The following ARHGAP26 variants were observed in gnomAD, a reference collection of about 807,000 sequenced individuals.
ARHGAP26 encodes the protein rho GTPase-activating protein 26.
A neutral mutation model predicts 104.8 loss-of-function variants in ARHGAP26; 38 were observed. That is an observed-to-expected ratio of 0.36 (90% CI 0.28 to 0.48). The LOEUF (loss-of-function observed/expected upper bound fraction) is 0.48, where lower values mean the gene tolerates loss of function less well. Among genes scored for constraint, ARHGAP26 ranks in the 20% least tolerant of loss-of-function variants. The probability of loss-of-function intolerance (pLI) is 0.99; values close to 1 mark genes in which losing one functional copy is unlikely to be tolerated. For missense variants in ARHGAP26, 704 were observed against 947.9 expected (o/e 0.74, Z 3.38); for synonymous variants, 341 against 340.0 (o/e 1.00, Z -0.03).
At chr5:143,216,776 G>A (rs982306216) in intron 22 of ARHGAP26, 2 of 154,168 alleles carry the variant, frequency 1.3e-5, no homozygotes, top group African/African-American at 4.8e-5. Flanking sequence ...AATTGAACCT[G>A]AAAGAAAACA....
At chr5:142,830,442 T>C (rs559007761) in intron 1 of ARHGAP26, among the ~76,000 whole-genome samples, 1 of 152,310 alleles carries the variant, frequency 6.6e-6, no homozygotes, top group South Asian at 2.1e-4. Context: ...TCCGTTTGTG[T>C]TACATTTCCA....
intron 1 of ARHGAP26, among the ~76,000 whole-genome samples, chr5:142,850,405 TTTC>T (rs1751284990): frequency 6.6e-6 from 1 of 152,304 alleles, no homozygotes; most frequent in South Asian, 2.1e-4. Context: ...CTTACTGCTT[TTTC>T]TTTTTCTTGC....
intron 10 of ARHGAP26, 52 bp downstream of exon 10, chr5:142,913,345 T>A: frequency 6.6e-7 from 1 of 1,514,058 alleles, no homozygotes; most frequent in Non-Finnish European, 9.2e-7. Context: ...AATTTCTATA[T>A]CTTACTTTTT....
intron 17 of ARHGAP26, among the ~76,000 whole-genome samples, chr5:143,096,489 G>A (rs1404976227): frequency 6.6e-6 from 1 of 152,130 alleles, no homozygotes; most frequent in Non-Finnish European, 1.5e-5. Context: ...ATTCTTTTAC[G>A]TTTACATGGT....
chr5:143,028,133 G>A (rs1781336754), intron 12 of ARHGAP26, among the ~76,000 whole-genome samples: 1 of 152,120 alleles, frequency 6.6e-6, no homozygotes, highest in African/African-American at 2.4e-5. Flanking sequence ...TCCTTAACCT[G>A]ACTGAGCGTA....
At position 143,037,212 on chromosome 5, in the gene ARHGAP26, C is replaced by T; in HGVS notation, c.1161C>T (p.Ser387=). The change falls in exon 13 of 23, where the codon AGC becomes AGT. Residue 387 remains serine (S), a synonymous_variant. Coordinates refer to ENST00000645722, the MANE Select transcript of ARHGAP26 (RefSeq NM_001135608.3). ...SQSEGTAQLD[S]IGFSIIRKCI... Reference sequence around the variant, plus strand: ...CTCTTTCAGCTGCGCAGTTGGACAGCATTGGCTTCAGCATAATCAGGAAAT... The same window carrying T: ...CTCTTTCAGCTGCGCAGTTGGACAGTATTGGCTTCAGCATAATCAGGAAAT... The T allele has an allele frequency of 1.2e-6, 2 of 1,604,004 alleles. No homozygotes were observed. The highest frequency in any genetic ancestry group is 1.7e-6 in the Non-Finnish European group (2 of 1,172,518).
intron 20 of ARHGAP26, among the ~76,000 whole-genome samples, chr5:143,188,715 G>T (rs1243748388): frequency 3.9e-5 from 6 of 152,216 alleles, no homozygotes; most frequent in Non-Finnish European, 5.9e-5. Flanking sequence ...AACTGAATGA[G>T]CTTGTACCAC....
intron 1 of ARHGAP26, among the ~76,000 whole-genome samples, chr5:142,833,301 T>A (rs899195141): frequency 3.9e-5 from 6 of 151,982 alleles, no homozygotes; most frequent in Admixed American, 3.9e-4. Flanking sequence ...CCTCAGGTGA[T>A]CTGCCTGCCT....
At chr5:142,806,788 T>C (rs893880213) in intron 1 of ARHGAP26, among the ~76,000 whole-genome samples, 8 of 152,202 alleles carry the variant, frequency 5.3e-5, no homozygotes, top group African/African-American at 1.9e-4. Flanking sequence ...TTAAATCCTT[T>C]TGGTAGTACA....
At position 143,107,154 on chromosome 5, in the gene ARHGAP26, T is replaced by TCTA. The variant is rs368107155; in HGVS notation, c.1539-13833_1539-13832insTAC. On this transcript the variant is annotated intron_variant, in intron 17 of 22. Coordinates refer to ENST00000645722, the MANE Select transcript of ARHGAP26 (RefSeq NM_001135608.3). ...TGCATGGCATCTCATAGGTGTTCAG[T>TCTA]CGGTATTGGGTGTGAGCATACTTGG... Among the ~76,000 whole-genome samples the TCTA allele has an allele frequency of 1.6e-3, 243 of 152,274 alleles. 2 individuals are homozygous for TCTA. Among genetic ancestry groups the TCTA allele is most frequent in the Middle Eastern group, 6.8e-3 (2 of 294 alleles).
At chr5:143,019,638 A>G (rs972600398) in intron 12 of ARHGAP26, among the ~76,000 whole-genome samples, 13 of 152,348 alleles carry the variant, frequency 8.5e-5, no homozygotes, top group Admixed American at 5.9e-4. Flanking sequence ...TAGAAAGCCG[A>G]GAACTTGTCA....
intron 17 of ARHGAP26, among the ~76,000 whole-genome samples, chr5:143,099,150 G>T (rs553881153): frequency 6.6e-6 from 1 of 152,304 alleles, no homozygotes; most frequent in Admixed American, 6.5e-5. Context: ...AAAATAATTT[G>T]CAAACATACC....
intron 17 of ARHGAP26, among the ~76,000 whole-genome samples, chr5:143,107,315 C>G (rs1356196880): frequency 6.6e-6 from 1 of 152,124 alleles, no homozygotes; most frequent in Non-Finnish European, 1.5e-5. Context: ...TAGATTTGCT[C>G]AAGGATCTGG....
intron 17 of ARHGAP26, among the ~76,000 whole-genome samples, chr5:143,079,117 C>A (rs1789449685): frequency 6.6e-6 from 1 of 152,234 alleles, no homozygotes; most frequent in Non-Finnish European, 1.5e-5. Context: ...GTCTCTCCCT[C>A]CTTTAACTTG....
intron 11 of ARHGAP26, among the ~76,000 whole-genome samples, chr5:143,008,886 A>G (rs572412067): frequency 1.3e-5 from 2 of 152,334 alleles, no homozygotes; most frequent in African/African-American, 2.4e-5. Flanking sequence ...TTAATTCTGT[A>G]GGGACATGTA....
chr5:143,188,394 A>G (rs1805453319), intron 20 of ARHGAP26, among the ~76,000 whole-genome samples: 1 of 152,208 alleles, frequency 6.6e-6, no homozygotes, highest in African/African-American at 2.4e-5. Context: ...ATTTCTTGCT[A>G]ATGTTAGGAC....
At chr5:142,995,764 A>C (rs914935308) in intron 11 of ARHGAP26, among the ~76,000 whole-genome samples, 12 of 152,246 alleles carry the variant, frequency 7.9e-5, no homozygotes, top group African/African-American at 2.9e-4. Flanking sequence ...AACCAATCCA[A>C]ATGCTCATCA....
At chr5:143,153,171 G>C (rs1290113032) in intron 20 of ARHGAP26, among the ~76,000 whole-genome samples, 1 of 152,172 alleles carries the variant, frequency 6.6e-6, no homozygotes, top group Non-Finnish European at 1.5e-5. Context: ...ACTTGTAACT[G>C]AGATTCTAAG....
chr5:142,949,194 AGAGAGAGAGAGAGAGAGAGAGAGAGAG>A lies in ARHGAP26; in HGVS notation c.1107+17081_1107+17107del, dbSNP rs1329141646. 3.4e-3 allele frequency among the ~76,000 whole-genome samples: 93 copies of A among 27,378 alleles called. 15 individuals carry two copies. Among genetic ancestry groups the A allele is most frequent in the African/African-American group, 0.03 (91 of 3,064 alleles). The allele number at this position is 27,378 out of a possible 152,430, so 18.0% of individuals were successfully genotyped here. On this transcript the variant is annotated intron_variant, in intron 11 of 22. Transcript: ENST00000645722. ...GAGAGAGAGAGAGAGAGAGAGAGAG[AGAGAGAGAGAGAGAGAGAGAGAGAGAG>A]GAGAGAGAGAGGAGAGAGAGAGAGA...
Sources: allele counts gnomAD v4.1 joint callset (sites outside exome capture counted in the v4.1 genomes callset), GRCh38; gene constraint gnomAD v4.1.1; transcripts MANE v1.5; gene names NCBI Gene and HGNC (gene_info 2026-07-23, HGNC 2026-07-21).